The following YAF2 variants were observed in gnomAD, a reference collection of about 807,000 sequenced individuals.
The protein encoded by YAF2 is YY1 associated factor 2.
In YAF2, 7 loss-of-function variants were observed where a neutral mutation model predicts 20.1. That is an observed-to-expected ratio of 0.35 (90% CI 0.20 to 0.65). The LOEUF is 0.65. Ranked by LOEUF, YAF2 falls within the 30% of genes least tolerant of loss-of-function variation. YAF2 has a pLI of 0.69. For missense variants in YAF2, 151 were observed against 219.2 expected, an observed-to-expected ratio of 0.69 and a Z score of 1.96; for synonymous variants, 74 against 76.0, an observed-to-expected ratio of 0.97 and a Z score of 0.14.
rs1257764925 is a variant in YAF2 at position 42,160,467 on chromosome 12, G to GT, written c.*121dup. The GT allele has an allele frequency of 4.0e-6, 3 of 758,470 alleles. No homozygotes were observed. Among genetic ancestry groups the GT allele is most frequent in the Non-Finnish European group, 6.4e-6 (3 of 470,486 alleles). 47.0% of individuals were successfully genotyped at this position (758,470 alleles called of 1,614,324 possible). On this transcript the variant is annotated 3_prime_UTR_variant, in exon 4 of 4. Transcript: ENST00000534854. Reference sequence around the variant, plus strand: ...AAATTCTAACAAATTTCTATTTTATGTAAAACTCAAATTATGGATTGTGCA... The same window carrying GT: ...AAATTCTAACAAATTTCTATTTTATGTTAAAACTCAAATTATGGATTGTGCA...
intron 2 of YAF2, among the ~76,000 whole-genome samples, chr12:42,191,816 A>C (rs1296231005): frequency 6.6e-6 from 1 of 152,170 alleles, no homozygotes; most frequent in Non-Finnish European, 1.5e-5. Context: ...GGCCATGCAC[A>C]GTGGCTCATG....
chr12:42,204,034 T>TG (rs1274259350), intron 2 of YAF2, among the ~76,000 whole-genome samples: 1 of 152,156 alleles, frequency 6.6e-6, no homozygotes, highest in Non-Finnish European at 1.5e-5. Flanking sequence ...TGCACTGCAC[T>TG]ACAGCCTCAA....
At chr12:42,193,862 C>T (rs1371577951) in intron 2 of YAF2, among the ~76,000 whole-genome samples, 1 of 152,116 alleles carries the variant, frequency 6.6e-6, no homozygotes, top group Admixed American at 6.5e-5. Flanking sequence ...TGAAGACCTT[C>T]CAGTGGGACA....
intron 2 of YAF2, among the ~76,000 whole-genome samples, chr12:42,167,174 C>T (rs889569286): frequency 6.6e-6 from 1 of 151,914 alleles, no homozygotes; most frequent in Admixed American, 6.6e-5. Flanking sequence ...AGTATTAGGA[C>T]AAATACCTAA....
At chr12:42,194,439 T>C (rs1033170506) in intron 2 of YAF2, among the ~76,000 whole-genome samples, 1 of 151,834 alleles carries the variant, frequency 6.6e-6, no homozygotes, top group Non-Finnish European at 1.5e-5. Flanking sequence ...AGGTCAGGAG[T>C]TCGAGACCAG....
chr12:42,197,744 C>T (rs2066791340), intron 2 of YAF2, among the ~76,000 whole-genome samples: 1 of 152,088 alleles, frequency 6.6e-6, no homozygotes, highest in Non-Finnish European at 1.5e-5. Context: ...AATCAGACTC[C>T]AAATAATCTT....
intron 2 of YAF2, among the ~76,000 whole-genome samples, chr12:42,219,639 C>T (rs2067456566): frequency 1.3e-5 from 2 of 152,268 alleles, no homozygotes; most frequent in South Asian, 2.1e-4. Flanking sequence ...CACATGCACA[C>T]ACAAAAATGT....
chr12:42,197,581 A>C (rs1488551180), intron 2 of YAF2, among the ~76,000 whole-genome samples: 1 of 152,220 alleles, frequency 6.6e-6, no homozygotes, highest in Admixed American at 6.5e-5. Context: ...GGGAAGAACT[A>C]AAATTGCATG....
chr12:42,216,267 G>A (rs1354961273), intron 2 of YAF2, among the ~76,000 whole-genome samples: 1 of 151,982 alleles, frequency 6.6e-6, no homozygotes, highest in Non-Finnish European at 1.5e-5. Context: ...CAATCACTAC[G>A]CAAAAGTATT....
intron 2 of YAF2, among the ~76,000 whole-genome samples, chr12:42,198,719 A>G (rs2066819977): frequency 6.6e-6 from 1 of 152,072 alleles, no homozygotes; most frequent in South Asian, 2.1e-4. Flanking sequence ...GCGGGGTTTC[A>G]GACTACAATT....
chr12:42,230,534 T>C (rs1592064661), intron 2 of YAF2, among the ~76,000 whole-genome samples: 1 of 152,156 alleles, frequency 6.6e-6, no homozygotes, highest in East Asian at 1.9e-4. Flanking sequence ...AAAAAGATAA[T>C]GAAGATCATG....
At chr12:42,235,153 G>A (rs1308695915) in intron 2 of YAF2, 2 of 988,392 alleles carry the variant, frequency 2.0e-6, no homozygotes, top group Non-Finnish European at 2.4e-6. Context: ...TGACCCAAAG[G>A]ATTCAAATCC....
intron 2 of YAF2, among the ~76,000 whole-genome samples, chr12:42,202,289 T>C (rs1245890341): frequency 6.6e-6 from 1 of 152,222 alleles, no homozygotes; most frequent in Non-Finnish European, 1.5e-5. Flanking sequence ...ACAGAGGTAC[T>C]TACATAAAGC....
At chr12:42,233,013 A>C in intron 2 of YAF2, 1 of 985,464 alleles carries the variant, frequency 1.0e-6, no homozygotes, top group Non-Finnish European at 1.2e-6. Flanking sequence ...ATTTTAAAGA[A>C]ACAAAAAAAT....
chr12:42,237,868 G>A (rs2068230912), intron 1 of YAF2, 144 bp from the exon 2 acceptor site: 1 of 730,904 alleles, frequency 1.4e-6, no homozygotes, highest in African/African-American at 2.1e-5. Flanking sequence ...GCCGCGCTCC[G>A]GCTGAGGGGG....
At chr12:42,210,801 A>T in intron 2 of YAF2, 1 of 829,644 alleles carries the variant, frequency 1.2e-6, no homozygotes, top group South Asian at 2.7e-5. Context: ...ATATGGAAAC[A>T]ATTTGCTAAA....
chr12:42,204,375 T>C (rs1388640357), intron 2 of YAF2, among the ~76,000 whole-genome samples: 1 of 152,182 alleles, frequency 6.6e-6, no homozygotes, highest in Non-Finnish European at 1.5e-5. Context: ...TGAAAATATG[T>C]GGGGGGAAAA....
intron 2 of YAF2, among the ~76,000 whole-genome samples, chr12:42,177,630 G>A (rs1381294464): frequency 6.6e-6 from 1 of 152,170 alleles, no homozygotes; most frequent in African/African-American, 2.4e-5. Context: ...TTCAGTATGT[G>A]AATTTTGGAG....
chr12:42,208,147 G>A (rs565646091), intron 2 of YAF2, among the ~76,000 whole-genome samples: 2 of 152,156 alleles, frequency 1.3e-5, no homozygotes, highest in Non-Finnish European at 2.9e-5. Flanking sequence ...TAGCAATATG[G>A]CCAGGCGCCA....
Sources: gnomAD v4.1 joint callset for allele counts (sites outside exome capture counted in the v4.1 genomes callset) on GRCh38, gnomAD v4.1.1 for gene constraint, MANE v1.5 for transcripts, NCBI Gene and HGNC (gene_info 2026-07-23, HGNC 2026-07-21) for gene names.